The following FOXP2 variants were observed in gnomAD, a reference collection of about 807,000 sequenced individuals.
The protein encoded by FOXP2 is forkhead box protein P2.
In FOXP2, 12 loss-of-function variants were observed where a neutral mutation model predicts 115.8. The ratio of observed to expected loss-of-function variants is 0.10; its 90% CI spans 0.07 to 0.17. FOXP2 has a LOEUF of 0.17. FOXP2 is among the 10% of genes least tolerant of loss of function. The pLI, the probability that FOXP2 is intolerant of heterozygous loss-of-function variation, is 1.00. For synonymous variants in FOXP2, 328 were observed against 297.7 expected (o/e 1.10, Z -1.05); for missense variants, 629 against 843.5 (o/e 0.75, Z 3.15).
chr7:114,557,704 A>G (rs778390568), intron 3 of FOXP2, among the ~76,000 whole-genome samples: 10 of 152,170 alleles, frequency 6.6e-5, no homozygotes, highest in Non-Finnish European at 1.3e-4. Context: ...TCTAATGGCA[A>G]TGCAATTCAG....
chr7:114,668,113 A>G (rs1428871809), intron 16 of FOXP2: 3 of 152,132 alleles, frequency 2.0e-5, no homozygotes, highest in Non-Finnish European at 4.4e-5. Context: ...TTACTTGGGG[A>G]ATCTAAGAAC....
At chr7:114,575,200 G>A (rs568962523) in intron 3 of FOXP2, among the ~76,000 whole-genome samples, 20 of 151,842 alleles carry the variant, frequency 1.3e-4, no homozygotes, top group African/African-American at 4.8e-4. Context: ...TTCTCAGTCT[G>A]TAAAATTATA....
chr7:114,662,201 G>C lies in FOXP2; in HGVS notation c.1769+15G>C. 4 of 1,612,042 alleles carry C rather than the reference G, an allele frequency of 2.5e-6. No homozygotes were observed. Among genetic ancestry groups the C allele is most frequent in the Non-Finnish European group, 3.4e-6 (4 of 1,178,546 alleles). ...AAGATAACAGGGTATGTTTGTGATA[G>C]TTTTGTAATCCTGTATCCTGCATCC... On this transcript the variant is annotated intron_variant, in intron 14 of 16. Transcript: ENST00000350908.
At chr7:114,504,733 T>C (rs929116350) in intron 2 of FOXP2, among the ~76,000 whole-genome samples, 2 of 151,706 alleles carry the variant, frequency 1.3e-5, no homozygotes, top group African/African-American at 2.4e-5. Context: ...ATGTTTTCTG[T>C]ATAAAATATG....
chr7:114,550,411 C>T (rs1459687725), intron 3 of FOXP2, among the ~76,000 whole-genome samples: 3 of 152,022 alleles, frequency 2.0e-5, no homozygotes, highest in Admixed American at 6.6e-5. Context: ...CCACCGCACC[C>T]GGCCTCATCT....
intron 1 of FOXP2, among the ~76,000 whole-genome samples, chr7:114,233,730 T>A (rs1054591015): frequency 6.6e-6 from 1 of 152,206 alleles, no homozygotes; most frequent in African/African-American, 2.4e-5. Context: ...AATACAGCAG[T>A]GGCTGGGCAT....
intron 2 of FOXP2, among the ~76,000 whole-genome samples, chr7:114,383,070 C>T (rs1308163018): frequency 1.3e-5 from 2 of 152,192 alleles, no homozygotes; most frequent in Non-Finnish European, 2.9e-5. Flanking sequence ...ATTGACCTGA[C>T]TGAGATACCA....
chr7:114,641,392 C>A (rs1385962623), intron 6 of FOXP2, among the ~76,000 whole-genome samples: 13 of 152,050 alleles, frequency 8.5e-5, no homozygotes, highest in Admixed American at 8.5e-4. Context: ...ATTTGCATAA[C>A]CTGAATCAGG....
intron 1 of FOXP2, among the ~76,000 whole-genome samples, chr7:114,264,854 G>T (rs138576546): frequency 9.1e-4 from 139 of 152,176 alleles, no homozygotes; most frequent in Non-Finnish European, 1.8e-3. Context: ...GAGAGTGTGC[G>T]GGGTGGGGAG....
intron 2 of FOXP2, among the ~76,000 whole-genome samples, chr7:114,328,344 C>G (rs1797612809): frequency 6.6e-6 from 1 of 150,446 alleles, no homozygotes; most frequent in African/African-American, 2.5e-5. Flanking sequence ...TCACGCCATT[C>G]TCCTGCCTCA....
chr7:114,583,743 T>A (rs1446345951), intron 3 of FOXP2, among the ~76,000 whole-genome samples: 3 of 152,206 alleles, frequency 2.0e-5, no homozygotes, highest in Non-Finnish European at 4.4e-5. Flanking sequence ...ATTGAGAGTA[T>A]ATTCCGTCCA....
intron 1 of FOXP2, among the ~76,000 whole-genome samples, chr7:114,213,353 G>A (rs767435135): frequency 6.6e-6 from 1 of 152,190 alleles, no homozygotes; most frequent in Non-Finnish European, 1.5e-5. Context: ...AACAATAACT[G>A]TACATTTTGG....
intron 3 of FOXP2, among the ~76,000 whole-genome samples, chr7:114,615,170 G>A (rs747873556): frequency 6.6e-6 from 1 of 152,160 alleles, no homozygotes; most frequent in Non-Finnish European, 1.5e-5. Flanking sequence ...AGTGAGCCGA[G>A]ATCGTGCCAC....
chr7:114,640,880 C>T (rs1563052920), intron 6 of FOXP2, among the ~76,000 whole-genome samples: 2 of 152,096 alleles, frequency 1.3e-5, no homozygotes, highest in Non-Finnish European at 2.9e-5. Context: ...TTTGGGGGAA[C>T]ATATTTAATG....
At chr7:114,165,447 T>C (rs554820493) in intron 1 of FOXP2, among the ~76,000 whole-genome samples, 1 of 152,348 alleles carries the variant, frequency 6.6e-6, no homozygotes, top group African/African-American at 2.4e-5. Flanking sequence ...AAGGTTAATA[T>C]ACAAAAGTCA....
At chr7:114,557,104 C>G (rs751673520) in intron 3 of FOXP2, among the ~76,000 whole-genome samples, 2 of 152,070 alleles carry the variant, frequency 1.3e-5, no homozygotes, top group Non-Finnish European at 2.9e-5. Flanking sequence ...TAATAAATCT[C>G]TACATTAAAT....
At chr7:114,203,826 C>T (rs982176329) in intron 1 of FOXP2, among the ~76,000 whole-genome samples, 2 of 152,006 alleles carry the variant, frequency 1.3e-5, no homozygotes, top group African/African-American at 4.8e-5. Flanking sequence ...CTTATTTCTT[C>T]TTTATTTTGC....
chr7:114,372,593 C>T (rs1792040556), intron 2 of FOXP2, among the ~76,000 whole-genome samples: 1 of 152,166 alleles, frequency 6.6e-6, no homozygotes, highest in Non-Finnish European at 1.5e-5. Context: ...CAAAAGAATA[C>T]AGATTCTCTG....
At chr7:114,308,635 G>A (rs558133452) in intron 2 of FOXP2, among the ~76,000 whole-genome samples, 97 of 152,322 alleles carry the variant, frequency 6.4e-4, no homozygotes, top group Non-Finnish European at 1.2e-3. Flanking sequence ...TGAGGATACT[G>A]TTACCAGTCT....
Sources: allele counts gnomAD v4.1 joint callset (sites outside exome capture counted in the v4.1 genomes callset), GRCh38; gene constraint gnomAD v4.1.1; transcripts MANE v1.5; gene names NCBI Gene and HGNC (gene_info 2026-07-23, HGNC 2026-07-21).